Variants in BASP1 observed in about 807,000 individuals in gnomAD.
BASP1 encodes the protein brain acid soluble protein 1.
In BASP1, 1 loss-of-function variant was observed where a neutral mutation model predicts 2.2. That is an observed-to-expected ratio of 0.46 (90% CI 0.16 to 2.17). The LOEUF (loss-of-function observed/expected upper bound fraction) is 2.17. Among genes scored for constraint, BASP1 ranks in the 30% most tolerant of loss-of-function variants. The pLI, the probability that BASP1 is intolerant of heterozygous loss-of-function variation, is 0.27. For missense variants in BASP1, 352 were observed against 327.2 expected (o/e 1.08, Z -0.58); for synonymous variants, 187 against 154.2 (o/e 1.21, Z -1.58).
rs146434815 is a variant in BASP1 at position 17,226,385 on chromosome 5, C to A, written c.-10+8575C>A. Among the ~76,000 whole-genome samples the A allele has an allele frequency of 1.2e-4, 18 of 152,272 alleles. 2 individuals are homozygous for A. Among genetic ancestry groups the A allele is most frequent in the Non-Finnish European group, 2.4e-4 (16 of 68,024 alleles). On this transcript the variant is annotated intron_variant, in intron 1 of 1. Transcript: ENST00000322611. ...GCATGGCAAAGTGACTTTGAAAAGA[C>A]CCACTTCATTTTTCCTTTGACAGTC...
chr5:17,235,297 G>A (rs1261958061), intron 1 of BASP1, among the ~76,000 whole-genome samples: 1 of 146,948 alleles, frequency 6.8e-6, no homozygotes, highest in Non-Finnish European at 1.5e-5. Flanking sequence ...GTCTCACTCT[G>A]TCACCCAGGC....
intron 1 of BASP1, among the ~76,000 whole-genome samples, chr5:17,218,736 TC>T (rs1477255353): frequency 1.4e-5 from 2 of 143,040 alleles, no homozygotes; most frequent in Non-Finnish European, 3.1e-5. Context: ...CGGTTCCTGC[TC>T]CCCCCGCCCC....
At chr5:17,245,947 T>C (rs1270302672) in intron 1 of BASP1, among the ~76,000 whole-genome samples, 1 of 151,418 alleles carries the variant, frequency 6.6e-6, no homozygotes, top group Non-Finnish European at 1.5e-5. Context: ...TACTAATAAG[T>C]CGAATAATAC....
At chr5:17,219,786 C>T (rs1479726516) in intron 1 of BASP1, among the ~76,000 whole-genome samples, 1 of 152,180 alleles carries the variant, frequency 6.6e-6, no homozygotes, top group African/African-American at 2.4e-5. Context: ...TCTCTGGACT[C>T]CGAACTCATT....
chr5:17,219,420 T>A (rs1314721380), intron 1 of BASP1, among the ~76,000 whole-genome samples: 1 of 152,236 alleles, frequency 6.6e-6, no homozygotes, highest in Non-Finnish European at 1.5e-5. Flanking sequence ...CTTGCTGATT[T>A]CAATTGACCA....
intron 1 of BASP1, among the ~76,000 whole-genome samples, chr5:17,230,235 ACT>A (rs1273475982): frequency 1.3e-5 from 2 of 152,040 alleles, no homozygotes; most frequent in Non-Finnish European, 2.9e-5. Flanking sequence ...CATTAGACAG[ACT>A]CTTAACGGTG....
chr5:17,217,101 TGA>T (rs1739264045), upstream of BASP1: 1 of 74,678 alleles, frequency 1.3e-5, no homozygotes, highest in African/African-American at 5.7e-5. Flanking sequence ...AGAGAGTGAG[TGA>T]GAGAGTGAGA....
intron 1 of BASP1, among the ~76,000 whole-genome samples, chr5:17,271,825 G>A (rs1004852265): frequency 7.2e-5 from 11 of 152,150 alleles, no homozygotes; most frequent in South Asian, 4.1e-4. Context: ...CCAGCATTTC[G>A]GGAGGCCGAA....
chr5:17,271,414 AC>A (rs1740526260), intron 1 of BASP1, among the ~76,000 whole-genome samples: 1 of 151,990 alleles, frequency 6.6e-6, no homozygotes. Flanking sequence ...GAGCCACCAC[AC>A]CCGGTCTTTA....
At chr5:17,249,578 A>T (rs960596505) in intron 1 of BASP1, among the ~76,000 whole-genome samples, 4 of 152,114 alleles carry the variant, frequency 2.6e-5, no homozygotes, top group Admixed American at 6.5e-5. Context: ...TCACAAAACC[A>T]AAGGGTTTTA....
intron 1 of BASP1, among the ~76,000 whole-genome samples, chr5:17,267,147 G>A (rs1364455818): frequency 1.3e-5 from 2 of 152,198 alleles, no homozygotes; most frequent in African/African-American, 2.4e-5. Flanking sequence ...TCGCATAAAA[G>A]GAAAAGATGG....
At chr5:17,231,650 C>A (rs1038880495) in intron 1 of BASP1, among the ~76,000 whole-genome samples, 5 of 152,160 alleles carry the variant, frequency 3.3e-5, no homozygotes, top group African/African-American at 1.2e-4. Flanking sequence ...GAAGTTACTC[C>A]TAGTTCAGAT....
chr5:17,226,536 T>G (rs1739511193), intron 1 of BASP1, among the ~76,000 whole-genome samples: 1 of 152,186 alleles, frequency 6.6e-6, no homozygotes, highest in African/African-American at 2.4e-5. Context: ...AACTAGCTGT[T>G]TCTTAAAGAG....
chr5:17,259,141 G>C (rs1196311220), intron 1 of BASP1, among the ~76,000 whole-genome samples: 1 of 152,172 alleles, frequency 6.6e-6, no homozygotes, highest in East Asian at 1.9e-4. Context: ...CACAATCATG[G>C]GGGAAGGTGA....
intron 1 of BASP1, among the ~76,000 whole-genome samples, chr5:17,224,840 G>A (rs896077139): frequency 6.6e-6 from 1 of 152,188 alleles, no homozygotes; most frequent in Non-Finnish European, 1.5e-5. Flanking sequence ...CCAGGCTCTA[G>A]CAGACCGTCT....
intron 1 of BASP1, among the ~76,000 whole-genome samples, chr5:17,262,525 A>T (rs1740333215): frequency 6.6e-6 from 1 of 152,212 alleles, no homozygotes; most frequent in Non-Finnish European, 1.5e-5. Context: ...CGTAGAACTG[A>T]TGAGATAGCT....
At chr5:17,229,325 C>T (rs1221721202) in intron 1 of BASP1, among the ~76,000 whole-genome samples, 4 of 152,126 alleles carry the variant, frequency 2.6e-5, no homozygotes, top group Non-Finnish European at 4.4e-5. Context: ...AAAACCCTTC[C>T]GAAAAGGAAG....
At position 17,276,399 on chromosome 5, in the gene BASP1, C is replaced by G. The variant is rs1421325376; in HGVS notation, c.*499C>G. 6.0e-6 allele frequency: 1 copy of G among 167,172 alleles called. No homozygotes were observed. Among genetic ancestry groups the G allele is most frequent in the African/African-American group, 2.4e-5 (1 of 41,446 alleles). 10.4% of individuals were successfully genotyped at this position (167,172 alleles called of 1,614,324 possible). A position where few individuals can be genotyped will look rare whatever the true frequency, so the allele number is the denominator to read the frequency against. On this transcript the variant is annotated 3_prime_UTR_variant, in exon 2 of 2. Transcript: ENST00000322611. Reference sequence around the variant, plus strand: ...CTGTGTTTTCTTTTTAATTTACAGCCTTTCTTATTTTGATATTTTTTTAAT... The same window carrying G: ...CTGTGTTTTCTTTTTAATTTACAGCGTTTCTTATTTTGATATTTTTTTAAT...
At chr5:17,217,093 A>AGAGAGAGAGAGAGAGAGT (rs1561160799), upstream of BASP1, 1 of 139,468 alleles carries the variant, frequency 7.2e-6, no homozygotes, top group East Asian at 2.1e-4. Flanking sequence ...AGAGAGAGAG[A>AGAGAGAGAGAGAGAGAGT]GAGTGAGTGA....
Sources: allele counts gnomAD v4.1 joint callset (sites outside exome capture counted in the v4.1 genomes callset), GRCh38; gene constraint gnomAD v4.1.1; transcripts MANE v1.5; gene names NCBI Gene and HGNC (gene_info 2026-07-23, HGNC 2026-07-21).